Variants in NRG3 observed in about 807,000 individuals in gnomAD.
The protein encoded by NRG3 is pro-neuregulin-3, membrane-bound isoform.
NRG3 carries 31 observed loss-of-function variants against 66.9 expected under a neutral mutation model. That is an observed-to-expected ratio of 0.46 (90% CI 0.35 to 0.63). The LOEUF (loss-of-function observed/expected upper bound fraction) is 0.63. Among genes scored for constraint, NRG3 ranks in the 20% least tolerant of loss-of-function variants. The pLI is 0.00. For missense variants in NRG3, 910 were observed against 878.9 expected, an observed-to-expected ratio of 1.04 and a Z score of -0.45; for synonymous variants, 393 against 359.4, an observed-to-expected ratio of 1.09 and a Z score of -1.06.
At chr10:81,964,484 C>T (rs376135995) in intron 1 of NRG3, among the ~76,000 whole-genome samples, 42 of 151,712 alleles carry the variant, frequency 2.8e-4, no homozygotes, top group African/African-American at 8.5e-4. Flanking sequence ...ATCTCATGAC[C>T]GTACAGTAGT....
chr10:82,010,315 G>T (rs2061527362), intron 1 of NRG3, among the ~76,000 whole-genome samples: 1 of 152,098 alleles, frequency 6.6e-6, no homozygotes, highest in African/African-American at 2.4e-5. Context: ...TGTAAAAGGG[G>T]CCGTCTCTCC....
intron 1 of NRG3, among the ~76,000 whole-genome samples, chr10:81,933,679 T>A (rs1847599796): frequency 6.6e-6 from 1 of 152,170 alleles, no homozygotes; most frequent in African/African-American, 2.4e-5. Context: ...TCTCAGTTGG[T>A]AAGTTTGTAA....
intron 2 of NRG3, among the ~76,000 whole-genome samples, chr10:82,418,592 T>C (rs373643089): frequency 6.6e-6 from 1 of 152,080 alleles, no homozygotes; most frequent in African/African-American, 2.4e-5. Flanking sequence ...CCCTCCAGTG[T>C]AAAGACTTTT....
intron 1 of NRG3, among the ~76,000 whole-genome samples, chr10:82,023,364 A>G (rs571446434): frequency 6.6e-6 from 1 of 152,058 alleles, no homozygotes; most frequent in South Asian, 2.1e-4. Flanking sequence ...CCCTTGCCCA[A>G]TTGTGCTGGC....
chr10:82,764,519 C>A (rs1221652796), intron 3 of NRG3, among the ~76,000 whole-genome samples: 3 of 151,672 alleles, frequency 2.0e-5, no homozygotes, highest in African/African-American at 4.8e-5. Flanking sequence ...CCCACCGCCA[C>A]GCCTGGCTAA....
intron 3 of NRG3, among the ~76,000 whole-genome samples, chr10:82,753,743 T>C (rs1045657989): frequency 6.6e-6 from 1 of 152,056 alleles, no homozygotes; most frequent in Non-Finnish European, 1.5e-5. Flanking sequence ...GGTTAGGAGA[T>C]TGAGACCATC....
intron 3 of NRG3, among the ~76,000 whole-genome samples, chr10:82,783,693 C>T (rs1238920302): frequency 6.6e-6 from 1 of 152,076 alleles, no homozygotes; most frequent in Non-Finnish European, 1.5e-5. Context: ...AACCACTGCT[C>T]AATGAAGTAA....
chr10:82,137,174 A>G (rs2069430516), intron 1 of NRG3, among the ~76,000 whole-genome samples: 1 of 152,142 alleles, frequency 6.6e-6, no homozygotes, highest in Non-Finnish European at 1.5e-5. Context: ...TTGAATACCA[A>G]TACTCGTGAG....
intron 2 of NRG3, among the ~76,000 whole-genome samples, chr10:82,456,951 C>T (rs141895033): frequency 9.9e-5 from 15 of 152,144 alleles, no homozygotes; most frequent in African/African-American, 2.7e-4. Context: ...TTCCATACTA[C>T]GGAATGTATT....
At chr10:82,469,089 G>T (rs371139987) in intron 2 of NRG3, among the ~76,000 whole-genome samples, 21 of 152,278 alleles carry the variant, frequency 1.4e-4, no homozygotes, top group African/African-American at 4.8e-4. Flanking sequence ...AAATAAGTTT[G>T]TAAGGGAACT....
rs983658484 is a variant in NRG3, at chr10:81,953,711, G to T, written c.823+77548G>T. On this transcript the variant is annotated intron_variant, in intron 1 of 8. Coordinates refer to ENST00000372141, the MANE Select transcript of NRG3 (RefSeq NM_001010848.4). The stretch of plus-strand genomic sequence containing the variant: ...TGGCACTGTTTAATTCTGCTCTAGT[G>T]GTCATCAGGATCTGAAAATAAAACA... Among the ~76,000 whole-genome samples, 5 of 152,112 alleles carry T rather than the reference G, an allele frequency of 3.3e-5. No individual in the cohort carries two copies. The South Asian group carries it at 1.0e-3, about 31-fold the overall frequency.
At chr10:82,673,212 T>C (rs1278791811) in intron 2 of NRG3, among the ~76,000 whole-genome samples, 2 of 152,254 alleles carry the variant, frequency 1.3e-5, no homozygotes, top group Admixed American at 6.5e-5. Flanking sequence ...CCTTGCACCC[T>C]GAGCTGCTGG....
At chr10:82,914,323 T>C (rs1845626629) in intron 4 of NRG3, among the ~76,000 whole-genome samples, 1 of 152,208 alleles carries the variant, frequency 6.6e-6, no homozygotes, top group Non-Finnish European at 1.5e-5. Context: ...AGATTTAATT[T>C]TTTTTTCTTT....
At chr10:82,061,072 A>G (rs2064115504) in intron 1 of NRG3, among the ~76,000 whole-genome samples, 1 of 152,126 alleles carries the variant, frequency 6.6e-6, no homozygotes, top group East Asian at 1.9e-4. Context: ...TAGGTATGTG[A>G]TAATCTTTGG....
At chr10:82,468,760 G>A (rs903272161) in intron 2 of NRG3, among the ~76,000 whole-genome samples, 1 of 152,108 alleles carries the variant, frequency 6.6e-6, no homozygotes, top group Non-Finnish European at 1.5e-5. Context: ...AATCTTCAGT[G>A]TGATTTAAAG....
chr10:81,970,057 A>G (rs1213496562), intron 1 of NRG3, among the ~76,000 whole-genome samples: 1 of 152,160 alleles, frequency 6.6e-6, no homozygotes, highest in Non-Finnish European at 1.5e-5. Context: ...CTTACATTTA[A>G]GCTAGTGATA....
chr10:82,928,140 T>G (rs1011436505), intron 4 of NRG3, among the ~76,000 whole-genome samples: 13 of 152,246 alleles, frequency 8.5e-5, no homozygotes, highest in Non-Finnish European at 1.6e-4. Flanking sequence ...TATAAATGTC[T>G]TCTGTTGAGG....
At chr10:81,923,687 A>G (rs546382723) in intron 1 of NRG3, among the ~76,000 whole-genome samples, 3 of 151,484 alleles carry the variant, frequency 2.0e-5, no homozygotes, top group Admixed American at 6.6e-5. Context: ...ATCTTCTCCA[A>G]GACCCCCGGA....
intron 3 of NRG3, among the ~76,000 whole-genome samples, chr10:82,765,530 A>G (rs2059482137): frequency 6.6e-6 from 1 of 152,198 alleles, no homozygotes; most frequent in South Asian, 2.1e-4. Flanking sequence ...ATTGAAATTT[A>G]TCACCATTCA....
Sources: gnomAD v4.1 joint callset for allele counts (sites outside exome capture counted in the v4.1 genomes callset) on GRCh38, gnomAD v4.1.1 for gene constraint, MANE v1.5 for transcripts, NCBI Gene and HGNC (gene_info 2026-07-23, HGNC 2026-07-21) for gene names.